SIPA1L2: variants seen among roughly 807,000 people sequenced by gnomAD.
SIPA1L2 encodes the protein signal-induced proliferation-associated 1-like protein 2.
Under a neutral mutation model 163.9 loss-of-function variants are expected in SIPA1L2, and 56 were observed. The observed-to-expected ratio is 0.34, with a 90% CI of 0.28 to 0.43. The LOEUF is 0.43. SIPA1L2 is among the 20% of genes least tolerant of loss of function. The pLI, the probability that SIPA1L2 is intolerant of heterozygous loss-of-function variation, is 1.00. For missense variants in SIPA1L2, 1,974 were observed against 2,193.5 expected (o/e 0.90, Z 2.00); for synonymous variants, 877 against 865.7 (o/e 1.01, Z -0.23).
Position 232,445,513 on chromosome 1 carries a change from A to G in SIPA1L2, c.3353+16T>C, listed in dbSNP as rs1663161188. 5 of 1,613,032 alleles carry G rather than the reference A, an allele frequency of 3.1e-6. No individual in the cohort carries two copies. The African/African-American group carries it at 6.7e-5, about 22-fold the overall frequency. Reference sequence around the variant, plus strand: ...ATTTACAAGGGCCCCCCTTGAGGAAACGGAACCAGCATTACCTCGTGCCAT... The same window carrying G: ...ATTTACAAGGGCCCCCCTTGAGGAAGCGGAACCAGCATTACCTCGTGCCAT... On this transcript the variant is annotated intron_variant, in intron 11 of 22. Transcript: ENST00000674635.
chr1:232,591,689 G>A (rs1363767992), intron 1 of SIPA1L2, among the ~76,000 whole-genome samples: 1 of 152,224 alleles, frequency 6.6e-6, no homozygotes, highest in African/African-American at 2.4e-5. Flanking sequence ...TGTTAGGGCA[G>A]AGTCTAAGAA....
intron 1 of SIPA1L2, among the ~76,000 whole-genome samples, chr1:232,583,519 C>T (rs914550498): frequency 4.6e-5 from 7 of 152,138 alleles, no homozygotes; most frequent in African/African-American, 1.7e-4. Context: ...CCATAGTGTC[C>T]TCCATTCTCT....
intron 2 of SIPA1L2, among the ~76,000 whole-genome samples, chr1:232,566,408 C>T (rs145489982): frequency 6.6e-6 from 1 of 152,130 alleles, no homozygotes; most frequent in Non-Finnish European, 1.5e-5. Flanking sequence ...AGAAAATAAA[C>T]CATGCATACT....
At chr1:232,419,737 A>G (rs1205215593) in intron 18 of SIPA1L2, among the ~76,000 whole-genome samples, 5 of 152,228 alleles carry the variant, frequency 3.3e-5, no homozygotes, top group Admixed American at 6.5e-5. Context: ...AAAGCCAATT[A>G]AATCTCTTTT....
At chr1:232,625,370 G>A (rs1970168) in intron 1 of SIPA1L2, among the ~76,000 whole-genome samples, 81,812 of 151,998 alleles carry the variant, frequency 0.54, 22,651 homozygotes, top group African/African-American at 0.65. Context: ...GACAGGTAAA[G>A]GTGCCAAATA....
At chr1:232,615,897 T>G (rs1662474695) in intron 1 of SIPA1L2, among the ~76,000 whole-genome samples, 1 of 152,208 alleles carries the variant, frequency 6.6e-6, no homozygotes, top group Non-Finnish European at 1.5e-5. Context: ...TCCCTAGAAC[T>G]GTGTCTGGTA....
chr1:232,509,712 C>T (rs1573003421), intron 3 of SIPA1L2, among the ~76,000 whole-genome samples: 1 of 152,204 alleles, frequency 6.6e-6, no homozygotes, highest in South Asian at 2.1e-4. Flanking sequence ...TGGGCTGCTG[C>T]CTCTGCCTGG....
At chr1:232,462,149 T>C in intron 9 of SIPA1L2, 1 of 1,312,188 alleles carries the variant, frequency 7.6e-7, no homozygotes, top group Non-Finnish European at 1.1e-6. Flanking sequence ...GCATCCCACT[T>C]GGTACATTAA....
intron 19 of SIPA1L2, 125 bp downstream of exon 19, chr1:232,415,369 G>A: frequency 4.1e-6 from 5 of 1,229,648 alleles, no homozygotes; most frequent in Non-Finnish European, 5.4e-6. Flanking sequence ...CATCCAACAA[G>A]GCAAAACATT....
intron 2 of SIPA1L2, among the ~76,000 whole-genome samples, chr1:232,563,098 C>G (rs1263839418): frequency 1.3e-5 from 2 of 152,174 alleles, no homozygotes; most frequent in East Asian, 3.9e-4. Context: ...CCTTGTCAGA[C>G]AGACTACAGC....
intron 10 of SIPA1L2, among the ~76,000 whole-genome samples, chr1:232,448,003 G>A (rs1312241185): frequency 1.3e-5 from 2 of 152,196 alleles, no homozygotes; most frequent in Admixed American, 1.3e-4. Flanking sequence ...GGGAAAACCT[G>A]AGTGTCCATC....
Position 232,454,600 on chromosome 1 carries a change from A to G in SIPA1L2, c.3095+6287T>C, listed in dbSNP as rs116400531. Among the ~76,000 whole-genome samples, 1,101 of 152,236 alleles carry G rather than the reference A, an allele frequency of 7.2e-3. 11 individuals carry two copies. Among genetic ancestry groups the G allele is most frequent in the African/African-American group, 0.024 (994 of 41,520 alleles). On this transcript the variant is annotated intron_variant, in intron 10 of 22. Transcript: ENST00000674635. Reference sequence around the variant, plus strand: ...GACGAATGTATTTCTATGGGGGGAGAATATCCAATGGCTGTCCACTATGGT... The same window carrying G: ...GACGAATGTATTTCTATGGGGGGAGGATATCCAATGGCTGTCCACTATGGT...
At chr1:232,455,882 C>T (rs1322812259) in intron 10 of SIPA1L2, among the ~76,000 whole-genome samples, 1 of 152,064 alleles carries the variant, frequency 6.6e-6, no homozygotes, top group Non-Finnish European at 1.5e-5. Flanking sequence ...TTCTTGCTTA[C>T]AAGCGGGAGC....
At chr1:232,619,895 T>A (rs1252918372) in intron 1 of SIPA1L2, among the ~76,000 whole-genome samples, 2 of 151,434 alleles carry the variant, frequency 1.3e-5, no homozygotes, top group Admixed American at 1.3e-4. Flanking sequence ...CCAAATAGAT[T>A]TTTTTTTTAA....
At chr1:232,405,965 C>T (rs1469957676) in intron 19 of SIPA1L2, among the ~76,000 whole-genome samples, 1 of 152,144 alleles carries the variant, frequency 6.6e-6, no homozygotes, top group Non-Finnish European at 1.5e-5. Flanking sequence ...CAGGGTCCTA[C>T]TGGTCAGGAG....
intron 10 of SIPA1L2, among the ~76,000 whole-genome samples, chr1:232,449,965 A>C (rs2102886394): frequency 6.6e-6 from 1 of 152,344 alleles, no homozygotes; most frequent in East Asian, 1.9e-4. Context: ...TGGGACAGAG[A>C]AAGAGAAAAA....
chr1:232,601,441 CAA>C (rs1266619613), intron 1 of SIPA1L2, among the ~76,000 whole-genome samples: 1 of 152,176 alleles, frequency 6.6e-6, no homozygotes, highest in Non-Finnish European at 1.5e-5. Flanking sequence ...GGCATTCTTC[CAA>C]AGTTTAAAAC....
At chr1:232,590,535 AAC>A (rs1167212787) in intron 1 of SIPA1L2, among the ~76,000 whole-genome samples, 1 of 152,206 alleles carries the variant, frequency 6.6e-6, no homozygotes, top group East Asian at 1.9e-4. Context: ...ATGGAGGAGA[AAC>A]ACAGTGGACC....
intron 11 of SIPA1L2, 78 bp downstream of exon 11, chr1:232,445,451 A>C (rs999542175): frequency 2.3e-5 from 37 of 1,591,076 alleles, no homozygotes; most frequent in Non-Finnish European, 3.1e-5. Flanking sequence ...GTGATTAAGC[A>C]AAACCCTCCC....
Sources: allele counts gnomAD v4.1 joint callset (sites outside exome capture counted in the v4.1 genomes callset), GRCh38; gene constraint gnomAD v4.1.1; transcripts MANE v1.5; gene names NCBI Gene and HGNC (gene_info 2026-07-23, HGNC 2026-07-21).